LIMS4: variants seen among roughly 807,000 people sequenced by gnomAD.
The protein encoded by LIMS4 is LIM and senescent cell antigen-like-containing domain protein 4.
the LIMS4 span, among the ~76,000 whole-genome samples, chr2:110,391,271 C>A: frequency 1.4e-4 from 20 of 145,550 alleles, no homozygotes; most frequent in African/African-American, 5.2e-4. Flanking sequence ...CACCCAGGCC[C>A]AGCCCAGCTC....
the LIMS4 span, among the ~76,000 whole-genome samples, chr2:110,391,263 C>T: frequency 6.8e-6 from 1 of 146,376 alleles, no homozygotes; most frequent in Non-Finnish European, 1.5e-5. Flanking sequence ...TGGGCGCTCA[C>T]CCAGGCCCAG....
At chr2:110,425,356 G>C in the LIMS4 span, among the ~76,000 whole-genome samples, 1 of 141,304 alleles carries the variant, frequency 7.1e-6, no homozygotes, top group Non-Finnish European at 1.5e-5. Context: ...ATCCAGCCTG[G>C]GCAACAGCAA....
the LIMS4 span, among the ~76,000 whole-genome samples, chr2:110,378,944 T>C: frequency 1.2e-4 from 17 of 146,616 alleles, no homozygotes; most frequent in Non-Finnish European, 2.1e-4. Flanking sequence ...ATTTATAAAA[T>C]TGTGTGATTT....
At chr2:110,425,271 T>G in the LIMS4 span, among the ~76,000 whole-genome samples, 1 of 143,106 alleles carries the variant, frequency 7.0e-6, no homozygotes, top group African/African-American at 2.9e-5. Context: ...TATAGTGGGC[T>G]AGTCTAGGCA....
chr2:110,373,548 C>G, the LIMS4 span, among the ~76,000 whole-genome samples: 2 of 146,662 alleles, frequency 1.4e-5, no homozygotes, highest in East Asian at 4.0e-4. Context: ...AGTGCCTGGT[C>G]AATCACCAGT....
At chr2:110,386,634 G>A in the LIMS4 span, 7 of 660,196 alleles carry the variant, frequency 1.1e-5, no homozygotes, top group South Asian at 1.0e-4. Flanking sequence ...GTGCTGCCAG[G>A]AAGAGCTGCC....
At chr2:110,373,749 G>C in the LIMS4 span, among the ~76,000 whole-genome samples, 1 of 149,634 alleles carries the variant, frequency 6.7e-6, no homozygotes, top group Non-Finnish European at 1.5e-5. Context: ...TGCCCGCCCT[G>C]GTTCAGGCCC....
the LIMS4 span, among the ~76,000 whole-genome samples, chr2:110,424,758 G>T: frequency 6.9e-6 from 1 of 144,124 alleles, no homozygotes; most frequent in Admixed American, 6.8e-5. Flanking sequence ...GGGACTTGGG[G>T]AACTTTTCTT....
At chr2:110,390,297 C>A in the LIMS4 span, among the ~76,000 whole-genome samples, 1 of 142,114 alleles carries the variant, frequency 7.0e-6, no homozygotes, top group Non-Finnish European at 1.5e-5. Context: ...GGGCAAAGAC[C>A]CCAGTGTGGG....
the LIMS4 span, chr2:110,361,132 G>A: frequency 1.5e-5 from 14 of 948,998 alleles, no homozygotes; most frequent in African/African-American, 2.3e-4. Flanking sequence ...CCTCATTGAT[G>A]GCGTCTATCA....
At chr2:110,371,778 C>A in the LIMS4 span, among the ~76,000 whole-genome samples, 4 of 143,022 alleles carry the variant, frequency 2.8e-5, no homozygotes, top group South Asian at 2.2e-4. Flanking sequence ...GAGAGCCCTG[C>A]TGGGCAGGCC....
the LIMS4 span, among the ~76,000 whole-genome samples, chr2:110,367,831 C>CA: frequency 7.2e-6 from 1 of 139,116 alleles, no homozygotes; most frequent in Non-Finnish European, 1.5e-5. Context: ...TGCAGTGAGT[C>CA]AAAATCTCAT....
chr2:110,425,207 C>T, the LIMS4 span, among the ~76,000 whole-genome samples: 11 of 142,856 alleles, frequency 7.7e-5, no homozygotes, highest in Non-Finnish European at 1.3e-4. Context: ...GCCTAGGCAA[C>T]ATATCCAGAC....
At chr2:110,392,383 G>A in the LIMS4 span, among the ~76,000 whole-genome samples, 1 of 150,774 alleles carries the variant, frequency 6.6e-6, no homozygotes, top group Non-Finnish European at 1.5e-5. Context: ...AGCTTGCAGT[G>A]AGCCAAGATC....
chr2:110,397,497 A>G, the LIMS4 span: 1 of 115,104 alleles, frequency 8.7e-6, no homozygotes, highest in Admixed American at 9.3e-5. Context: ...TACAAAGAAT[A>G]CCACCAGTTG....
chr2:110,424,983 G>C, the LIMS4 span, among the ~76,000 whole-genome samples: 9 of 144,190 alleles, frequency 6.2e-5, 1 homozygote, highest in Admixed American at 2.7e-4. Context: ...ACCCCAGCCG[G>C]CAGCGACAAC....
the LIMS4 span, among the ~76,000 whole-genome samples, chr2:110,391,252 A>G: frequency 8.1e-5 from 12 of 147,308 alleles, no homozygotes; most frequent in Admixed American, 3.4e-4. Flanking sequence ...GCCCGTAACA[A>G]TGGGCGCTCA....
chr2:110,372,742 G>A, the LIMS4 span, among the ~76,000 whole-genome samples: 1 of 148,832 alleles, frequency 6.7e-6, no homozygotes, highest in Non-Finnish European at 1.5e-5. Context: ...CTGACCTCAA[G>A]TGAGCCACCT....
the LIMS4 span, chr2:110,386,632 A>G: frequency 2.0e-5 from 13 of 660,646 alleles, 1 homozygote; most frequent in Non-Finnish European, 3.4e-5. Context: ...CAGTGCTGCC[A>G]GGAAGAGCTG....
Sources: allele counts gnomAD v4.1 joint callset (sites outside exome capture counted in the v4.1 genomes callset), GRCh38; gene constraint gnomAD v4.1.1; transcripts MANE v1.5; gene names NCBI Gene and HGNC (gene_info 2026-07-23, HGNC 2026-07-21).